The following ZNF540 variants were observed in gnomAD, a reference collection of about 807,000 sequenced individuals.
The protein encoded by ZNF540 is zinc finger protein 540.
Under a neutral mutation model 11.8 loss-of-function variants are expected in ZNF540, and 3 were observed. The observed-to-expected ratio is 0.25, with a 90% CI of 0.12 to 0.65. The LOEUF is 0.65. ZNF540 is among the 30% of genes least tolerant of loss of function. The probability of loss-of-function intolerance (pLI) is 0.83; values close to 1 mark genes in which losing one functional copy is unlikely to be tolerated. For synonymous variants in ZNF540, 247 were observed against 259.0 expected (o/e 0.95, Z 0.45); for missense variants, 709 against 793.1 (o/e 0.89, Z 1.27).
chr19:37,566,779 G>A (rs1256806151), intron 1 of ZNF540, among the ~76,000 whole-genome samples: 5 of 152,112 alleles, frequency 3.3e-5, no homozygotes, highest in Admixed American at 3.3e-4. Flanking sequence ...AGCAGCCAGA[G>A]GAATTCTTTT....
intron 1 of ZNF540, among the ~76,000 whole-genome samples, chr19:37,551,834 G>GTC (rs1555712947): frequency 2.1e-5 from 3 of 142,720 alleles, no homozygotes; most frequent in Non-Finnish European, 4.5e-5. Context: ...CTGTGTGTGT[G>GTC]GGGGGGGTGG....
intron 3 of ZNF540, 110 bp from the exon 4 acceptor site, chr19:37,600,900 G>A: frequency 1.1e-6 from 1 of 904,788 alleles, no homozygotes. Context: ...TTTTTCCGAA[G>A]TCTTCATCGA....
At position 37,611,889 on chromosome 19, in the gene ZNF540, T is replaced by C. The variant is rs761703719; in HGVS notation, c.609T>C (p.Thr203=). 6.2e-7 allele frequency: 1 copy of C among 1,613,868 alleles called. No homozygotes were observed. Among genetic ancestry groups the C allele is most frequent in the Non-Finnish European group, 8.5e-7 (1 of 1,179,966 alleles). ...CTTTTAATAATGTCTATCAGCTTAC[T>C]CTCCATCAGAAAATTCATACTGGTG... ...GSTFNNVYQL[T]LHQKIHTGEK... Residue 203 remains threonine, a synonymous_variant, in exon 5 of 5, where the codon ACT becomes ACC. Transcript: ENST00000316433.
At chr19:37,566,838 TTAATGG>T (rs1174695980) in intron 1 of ZNF540, among the ~76,000 whole-genome samples, 1 of 152,210 alleles carries the variant, frequency 6.6e-6, no homozygotes, top group East Asian at 1.9e-4. Context: ...ATCTTCCCTA[TTAATGG>T]TCTGCCATCT....
rs1023868350 is a variant in ZNF540, at chr19:37,613,809, G to A, written c.*546G>A. The A allele has an allele frequency of 2.8e-5, 11 of 398,548 alleles. No homozygotes were observed. The highest frequency in any genetic ancestry group is 7.1e-5 in the East Asian group (2 of 28,078). 24.7% of individuals were successfully genotyped at this position (398,548 alleles called of 1,614,324 possible). A position where few individuals can be genotyped will look rare whatever the true frequency, so the allele number is the denominator to read the frequency against. On this transcript the variant is annotated 3_prime_UTR_variant, in exon 5 of 5. Coordinates refer to ENST00000316433, the MANE Select transcript of ZNF540 (RefSeq NM_001172225.3). Reference sequence around the variant, plus strand: ...TTATGGGCTGAATGTTTGTGTTCCCGTAACAATTCCTATGTTGAAACACGA... The same window carrying A: ...TTATGGGCTGAATGTTTGTGTTCCCATAACAATTCCTATGTTGAAACACGA...
At chr19:37,552,110 TGTTA>T (rs1309663348) in intron 1 of ZNF540, among the ~76,000 whole-genome samples, 9 of 152,236 alleles carry the variant, frequency 5.9e-5, no homozygotes, top group Non-Finnish European at 1.2e-4. Flanking sequence ...TTTTATATGC[TGTTA>T]TTTTTGACTC....
intron 4 of ZNF540, among the ~76,000 whole-genome samples, chr19:37,601,662 G>A (rs1206905182): frequency 6.6e-6 from 1 of 152,236 alleles, no homozygotes; most frequent in Non-Finnish European, 1.5e-5. Flanking sequence ...AGTTTGGGCA[G>A]GTTTAATTGA....
At chr19:37,566,064 G>A (rs1202195021) in intron 1 of ZNF540, 1 of 1,614,078 alleles carries the variant, frequency 6.2e-7, no homozygotes, top group South Asian at 1.1e-5. Flanking sequence ...GAGGTTGAAT[G>A]ACTTTCAGTG....
intron 1 of ZNF540, among the ~76,000 whole-genome samples, chr19:37,582,516 A>G (rs935995856): frequency 2.6e-5 from 4 of 152,086 alleles, no homozygotes; most frequent in Admixed American, 1.3e-4. Flanking sequence ...GTCTAAACCA[A>G]TTCGCTCCAT....
At chr19:37,553,009 GT>G (rs34788856) in intron 1 of ZNF540, among the ~76,000 whole-genome samples, 52,672 of 139,028 alleles carry the variant, frequency 0.38, 12,185 homozygotes, top group East Asian at 0.77. Context: ...TTTGCATGGT[GT>G]TTTTTTTTTT....
chr19:37,591,075 C>A (rs1355644498), upstream of ZNF540, among the ~76,000 whole-genome samples: 1 of 152,142 alleles, frequency 6.6e-6, no homozygotes, highest in Non-Finnish European at 1.5e-5. Context: ...ATTCATGATT[C>A]ATGATTTATA....
At chr19:37,602,145 AAGT>A (rs2147227677) in intron 4 of ZNF540, among the ~76,000 whole-genome samples, 1 of 152,256 alleles carries the variant, frequency 6.6e-6, no homozygotes, top group African/African-American at 2.4e-5. Flanking sequence ...TATGATTTGA[AAGT>A]AGAGCTAACA....
chr19:37,604,745 C>T (rs1293504193), intron 4 of ZNF540, among the ~76,000 whole-genome samples: 3 of 152,128 alleles, frequency 2.0e-5, no homozygotes, highest in African/African-American at 7.2e-5. Flanking sequence ...AGATGTAGAA[C>T]ATGTCTATCA....
intron 1 of ZNF540, chr19:37,597,515 C>T (rs1242045781): frequency 6.6e-6 from 1 of 152,184 alleles, no homozygotes; most frequent in Non-Finnish European, 1.5e-5. Context: ...GCAGCCTCCC[C>T]CTCCCAGATT....
rs368349056 is a variant in ZNF540 at position 37,612,027 on chromosome 19, G to A, written c.747G>A (p.Gly249=). The change falls in exon 5 of 5, where the codon GGG becomes GGA. Residue 249 remains glycine, a synonymous_variant. Coordinates refer to ENST00000316433, the MANE Select transcript of ZNF540 (RefSeq NM_001172225.3). ...AACCCTATGAATGTCAAGAATGTGG[G>A]AAGACCTTTACTCTTTACCCACAAC... is the stretch of plus-strand genomic sequence containing the variant. ...GEKPYECQEC[G]KTFTLYPQLN... The A allele has an allele frequency of 3.0e-5, 48 of 1,613,438 alleles. No homozygotes were observed. The highest frequency in any genetic ancestry group is 3.7e-5 in the Non-Finnish European group (44 of 1,179,928).
At chr19:37,584,336 G>A (rs532862267) in intron 1 of ZNF540, among the ~76,000 whole-genome samples, 5 of 152,282 alleles carry the variant, frequency 3.3e-5, no homozygotes, top group African/African-American at 9.6e-5. Context: ...AGCCAGATGT[G>A]TGCAGTTTCT....
chr19:37,613,419 T>C lies in ZNF540; in HGVS notation c.*156T>C, dbSNP rs546489658. ...TTAGTTCTCATTAAATTTAGGAAAA[T>C]TCACACTAGAAAATAAAGCTGTTAA... On this transcript the variant is annotated 3_prime_UTR_variant, in exon 5 of 5. Transcript: ENST00000316433. 4 of 526,768 alleles carry C rather than the reference T, an allele frequency of 7.6e-6. No individual in the cohort carries two copies. Among genetic ancestry groups the C allele is most frequent in the Admixed American group, 7.4e-5 (2 of 27,112 alleles). The allele number at this position is 526,768 out of a possible 1,614,324, so 32.6% of individuals were successfully genotyped here. A position where few individuals can be genotyped will look rare whatever the true frequency, so the allele number is the denominator to read the frequency against.
At chr19:37,598,206 G>A (rs756339982) in intron 1 of ZNF540, among the ~76,000 whole-genome samples, 170 bp from the exon 2 acceptor site, 1 of 152,188 alleles carries the variant, frequency 6.6e-6, no homozygotes, top group Non-Finnish European at 1.5e-5. Flanking sequence ...GTCCATCCTC[G>A]TACAGCCAGG....
At chr19:37,589,126 G>A (rs943077411) in intron 1 of ZNF540, among the ~76,000 whole-genome samples, 5 of 148,556 alleles carry the variant, frequency 3.4e-5, no homozygotes, top group Non-Finnish European at 7.4e-5. Flanking sequence ...TTTGAACCCA[G>A]TAGGCGGAGG....
Sources: gnomAD v4.1 joint callset for allele counts (sites outside exome capture counted in the v4.1 genomes callset) on GRCh38, gnomAD v4.1.1 for gene constraint, MANE v1.5 for transcripts, NCBI Gene and HGNC (gene_info 2026-07-23, HGNC 2026-07-21) for gene names.